The following TTC6 variants were observed in gnomAD, a reference collection of about 807,000 sequenced individuals.
TTC6 encodes tetratricopeptide repeat domain 6.
A neutral mutation model predicts 210.4 loss-of-function variants in TTC6; 172 were observed. The observed-to-expected ratio is 0.82, with a 90% CI of 0.72 to 0.93. The LOEUF is 0.93. Ranked by LOEUF, TTC6 falls within the 40% of genes least tolerant of loss-of-function variation. The pLI is 0.00. For missense variants in TTC6, 2,414 were observed against 2,318.1 expected, an observed-to-expected ratio of 1.04 and a Z score of -0.85; for synonymous variants, 804 against 819.6, an observed-to-expected ratio of 0.98 and a Z score of 0.32.
upstream of TTC6, among the ~76,000 whole-genome samples, chr14:37,620,489 A>ACT (rs948020735): frequency 5.3e-5 from 8 of 151,418 alleles, no homozygotes; most frequent in South Asian, 2.1e-4. Context: ...CGTTTTTCTA[A>ACT]CTCTCTGATT....
At chr14:37,817,282 G>A (rs1207604429) in intron 25 of TTC6, among the ~76,000 whole-genome samples, 1 of 152,202 alleles carries the variant, frequency 6.6e-6, no homozygotes, top group Non-Finnish European at 1.5e-5. Flanking sequence ...ATTACCCATT[G>A]CAGGTCAAAA....
chr14:37,757,081 G>C (rs556571706), intron 14 of TTC6, among the ~76,000 whole-genome samples: 127 of 152,060 alleles, frequency 8.4e-4, no homozygotes, highest in African/African-American at 3.0e-3. Flanking sequence ...GTCTTGGGAG[G>C]GGGTATGTGT....
At chr14:37,745,508 A>G (rs1269661540) in intron 10 of TTC6, among the ~76,000 whole-genome samples, 1 of 152,082 alleles carries the variant, frequency 6.6e-6, no homozygotes, top group East Asian at 1.9e-4. Flanking sequence ...CCTTACTACC[A>G]TTATCTTCCT....
intron 3 of TTC6, among the ~76,000 whole-genome samples, chr14:37,684,671 C>T (rs1712422482): frequency 6.6e-6 from 1 of 152,176 alleles, no homozygotes; most frequent in Non-Finnish European, 1.5e-5. Context: ...ACCAAGTCTT[C>T]TCCAAGAATC....
rs540670149 is a variant in TTC6, at chr14:37,806,611, CTTATACCTACT to C, written c.4314+104_4314+114del. 3.3e-5 allele frequency: 37 copies of C among 1,116,642 alleles called. No individual in the cohort carries two copies. The African/African-American group carries it at 4.5e-4, about 14-fold the overall frequency. 69.2% of individuals were successfully genotyped at this position (1,116,642 alleles called of 1,614,324 possible). A position where few individuals can be genotyped will look rare whatever the true frequency, so the allele number is the denominator to read the frequency against. On this transcript the variant is annotated intron_variant, in intron 22 of 30. Coordinates refer to ENST00000553443, the Ensembl canonical transcript of TTC6. ...GTTATTAATTACCAACAATCAGTTT[CTTATACCTACT>C]TTTCACTTAACTTTATTTTCATAAT...
exon 11 of TTC6, chr14:37,749,297 G>A: frequency 6.6e-7 from 1 of 1,521,980 alleles, no homozygotes; most frequent in East Asian, 2.5e-5. Flanking sequence ...TTTGACTGAA[G>A]AAATAAATGA....
At chr14:37,755,968 AT>A in intron 14 of TTC6, among the ~76,000 whole-genome samples, 1 of 152,308 alleles carries the variant, frequency 6.6e-6, no homozygotes, top group African/African-American at 2.4e-5. Context: ...CATGATAATG[AT>A]TCTTCCTATC....
intron 10 of TTC6, 45 bp downstream of exon 12, chr14:37,739,200 G>A: frequency 7.0e-7 from 1 of 1,431,378 alleles, no homozygotes; most frequent in South Asian, 1.5e-5. Context: ...ATATATTGTG[G>A]TTTTGACCTT....
intron 29 of TTC6, among the ~76,000 whole-genome samples, chr14:37,833,530 T>C (rs1049536631): frequency 2.0e-5 from 3 of 152,154 alleles, no homozygotes; most frequent in Admixed American, 6.5e-5. Flanking sequence ...CAGCATATAG[T>C]TGGGTCTTGT....
At chr14:37,745,563 T>G (rs1266304984) in intron 10 of TTC6, among the ~76,000 whole-genome samples, 3 of 152,192 alleles carry the variant, frequency 2.0e-5, no homozygotes, top group African/African-American at 7.2e-5. Context: ...ACTGCCACTG[T>G]ACATTCTGGG....
chr14:37,787,972 A>T (rs944021404), intron 15 of TTC6, among the ~76,000 whole-genome samples: 2 of 151,144 alleles, frequency 1.3e-5, no homozygotes, highest in Non-Finnish European at 2.9e-5. Context: ...TCTTTCTATA[A>T]TATACTGGGT....
intron 1 of TTC6, among the ~76,000 whole-genome samples, chr14:37,644,662 A>G (rs942047327): frequency 6.6e-6 from 1 of 152,184 alleles, no homozygotes; most frequent in Non-Finnish European, 1.5e-5. Context: ...AGAGACTCTT[A>G]TGGCTCAAAG....
chr14:37,779,389 T>C (rs1480459490), intron 14 of TTC6, among the ~76,000 whole-genome samples: 1 of 152,174 alleles, frequency 6.6e-6, no homozygotes, highest in African/African-American at 2.4e-5. Flanking sequence ...GGCTTCCTTA[T>C]TTTGAAGGAT....
chr14:37,834,890 G>A (rs2096194185), intron 29 of TTC6, among the ~76,000 whole-genome samples: 1 of 152,094 alleles, frequency 6.6e-6, no homozygotes, highest in South Asian at 2.1e-4. Context: ...TTTGGCTTTG[G>A]TTCTGGGTGG....
At chr14:37,837,453 C>G (rs2096200383) in intron 29 of TTC6, 2 of 453,572 alleles carry the variant, frequency 4.4e-6, no homozygotes, top group Non-Finnish European at 8.9e-6. Flanking sequence ...CCCCCCTCCC[C>G]CCAACCTGTC....
intron 14 of TTC6, among the ~76,000 whole-genome samples, chr14:37,762,251 T>A (rs2095986771): frequency 1.3e-5 from 2 of 152,214 alleles, no homozygotes; most frequent in South Asian, 2.1e-4. Flanking sequence ...GCTTGATTTC[T>A]TATCTTGGCT....
chr14:37,663,544 G>A (rs922566129), intron 1 of TTC6, among the ~76,000 whole-genome samples: 3 of 152,006 alleles, frequency 2.0e-5, no homozygotes, highest in Non-Finnish European at 4.4e-5. Context: ...TTAATTTGAA[G>A]TGTTCATCCC....
intron 14 of TTC6, among the ~76,000 whole-genome samples, chr14:37,759,721 C>CT (rs2095978403): frequency 6.6e-6 from 1 of 152,158 alleles, no homozygotes; most frequent in Admixed American, 6.6e-5. Flanking sequence ...CTTGTCTAAT[C>CT]TTGTCTTCAC....
exon 23 of TTC6, chr14:37,807,443 C>A (rs2139417075): frequency 6.6e-7 from 1 of 1,508,210 alleles, no homozygotes; most frequent in East Asian, 2.5e-5. Flanking sequence ...CAGAGGAGTT[C>A]TGAAATACTA....
Sources: gnomAD v4.1 joint callset for allele counts (sites outside exome capture counted in the v4.1 genomes callset) on GRCh38, gnomAD v4.1.1 for gene constraint, MANE v1.5 for transcripts, NCBI Gene and HGNC (gene_info 2026-07-23, HGNC 2026-07-21) for gene names.